Variants in EPHX2 observed in about 807,000 individuals in gnomAD.
EPHX2 encodes the protein epoxide hydrolase 2, also known as bifunctional epoxide hydrolase 2.
EPHX2 carries 74 observed loss-of-function variants against 78.7 expected under a neutral mutation model. The ratio of observed to expected loss-of-function variants is 0.94; its 90% CI spans 0.78 to 1.14. EPHX2 has a LOEUF of 1.14. Ranked by LOEUF, EPHX2 falls within the 50% of genes most tolerant of loss-of-function variation. The pLI is 0.00. For missense variants in EPHX2, 715 were observed against 702.5 expected, an observed-to-expected ratio of 1.02 and a Z score of -0.20; for synonymous variants, 251 against 255.2, an observed-to-expected ratio of 0.98 and a Z score of 0.16.
At chr8:27,540,737 G>T in intron 15 of EPHX2, 81 bp downstream of exon 15, 1 of 1,355,328 alleles carries the variant, frequency 7.4e-7, no homozygotes, top group Non-Finnish European at 1.1e-6. Context: ...GGAGGGTGAG[G>T]CCCAGTTCTC....
downstream of EPHX2, among the ~76,000 whole-genome samples, chr8:27,547,531 C>T (rs191852469): frequency 6.0e-4 from 91 of 152,316 alleles, no homozygotes; most frequent in Non-Finnish European, 9.6e-4. Flanking sequence ...TTACACATGT[C>T]ATCTCAAACA....
chr8:27,532,912 A>G (rs1815094836), intron 12 of EPHX2, among the ~76,000 whole-genome samples: 1 of 152,178 alleles, frequency 6.6e-6, no homozygotes, highest in Admixed American at 6.5e-5. Context: ...CAGGACTTTG[A>G]GACCAGCCTG....
intron 5 of EPHX2, among the ~76,000 whole-genome samples, chr8:27,508,555 C>T (rs1419510645): frequency 6.6e-6 from 1 of 152,198 alleles, no homozygotes. Context: ...TGTGCTTGTG[C>T]CCCTGGCTAG....
At chr8:27,532,243 G>C (rs1029939292) in intron 12 of EPHX2, among the ~76,000 whole-genome samples, 1 of 151,992 alleles carries the variant, frequency 6.6e-6, no homozygotes, top group Non-Finnish European at 1.5e-5. Flanking sequence ...ATACCCCCTG[G>C]AGACATGCTT....
chr8:27,546,270 G>A (rs189023569), downstream of EPHX2, among the ~76,000 whole-genome samples: 32 of 152,258 alleles, frequency 2.1e-4, no homozygotes, highest in Non-Finnish European at 7.4e-5. Context: ...ATAAAAAAGG[G>A]GACGTTAGTA....
At chr8:27,509,738 CTT>C (rs377205379) in intron 5 of EPHX2, among the ~76,000 whole-genome samples, 28 of 152,270 alleles carry the variant, frequency 1.8e-4, no homozygotes, top group African/African-American at 6.7e-4. Context: ...CAGTTATACC[CTT>C]TTATATCCCC....
intron 11 of EPHX2, among the ~76,000 whole-genome samples, chr8:27,524,819 G>A (rs1319502755): frequency 6.6e-6 from 1 of 152,200 alleles, no homozygotes; most frequent in East Asian, 1.9e-4. Flanking sequence ...TCATATCATA[G>A]TCATCTCATA....
intron 15 of EPHX2, 119 bp downstream of exon 15, chr8:27,540,775 G>A: frequency 1.1e-6 from 1 of 875,454 alleles, no homozygotes; most frequent in South Asian, 1.5e-5. Flanking sequence ...TTAGTGCCAG[G>A]CCAGCCTCTG....
downstream of EPHX2, among the ~76,000 whole-genome samples, chr8:27,548,540 G>A (rs905664261): frequency 1.7e-4 from 26 of 152,160 alleles, no homozygotes; most frequent in Non-Finnish European, 2.8e-4. Flanking sequence ...TAAGTAATTC[G>A]TCCTGAAACC....
Position 27,514,222 on chromosome 8 carries a change from G to T in EPHX2, c.736-1496G>T, listed in dbSNP as rs138163657. Among the ~76,000 whole-genome samples the T allele has an allele frequency of 8.5e-5, 13 of 152,148 alleles. No homozygotes were observed. The East Asian group carries it at 2.3e-3, about 27-fold the overall frequency. On this transcript the variant is annotated intron_variant, in intron 6 of 18. Coordinates refer to ENST00000521400, the MANE Select transcript of EPHX2 (RefSeq NM_001979.6). The stretch of plus-strand genomic sequence containing the variant: ...CTTGGGAGACTGAGGTGGGAGGATC[G>T]CTAGAGCCCAGGAGTTTGAGGCTGC...
At chr8:27,536,436 CT>C (rs1815214268) in intron 12 of EPHX2, among the ~76,000 whole-genome samples, 1 of 152,054 alleles carries the variant, frequency 6.6e-6, no homozygotes, top group Admixed American at 6.5e-5. Context: ...CCCCTCTCTT[CT>C]TACCACCAGT....
Position 27,544,510 on chromosome 8 carries a change from C to A in EPHX2, c.1656C>A (p.Val552=). 6.2e-7 allele frequency: 1 copy of A among 1,613,882 alleles called. No homozygotes were observed. The highest frequency in any genetic ancestry group is 1.7e-5 in the Admixed American group (1 of 60,026). The change falls in exon 19 of 19, where the codon GTC becomes GTA. Residue 552 remains valine (V), a synonymous_variant. Coordinates refer to ENST00000521400, the MANE Select transcript of EPHX2 (RefSeq NM_001979.6). ...CTGATGCCCGGAACCCACCGGTGGT[C>A]TCAAAGATGTAGAACGCAGCGTGTG... ...LDSDARNPPV[V]SKM
chr8:27,520,733 G>T, intron 9 of EPHX2, 150 bp from the exon 10 acceptor site: 1 of 885,616 alleles, frequency 1.1e-6, no homozygotes, highest in Non-Finnish European at 1.9e-6. Flanking sequence ...CTCCTTAAAG[G>T]CTGTATCTTC....
chr8:27,492,831 C>T (rs1479066940), intron 1 of EPHX2: 1 of 153,102 alleles, frequency 6.5e-6, no homozygotes, highest in Non-Finnish European at 1.5e-5. Context: ...AGGAAAGTTC[C>T]CCAAGTCCCC....
At chr8:27,540,770 G>A (rs973310135) in intron 15 of EPHX2, 114 bp downstream of exon 15, 91 of 917,234 alleles carry the variant, frequency 9.9e-5, no homozygotes, top group Non-Finnish European at 1.5e-4. Context: ...CCTCGTTAGT[G>A]CCAGGCCAGC....
At chr8:27,497,444 A>G (rs887276452) in intron 1 of EPHX2, among the ~76,000 whole-genome samples, 4 of 152,116 alleles carry the variant, frequency 2.6e-5, no homozygotes, top group Admixed American at 6.5e-5. Flanking sequence ...TCTCTGAACC[A>G]CCAAGGTTTG....
chr8:27,535,550 T>C (rs1383070343), intron 12 of EPHX2, among the ~76,000 whole-genome samples: 1 of 152,154 alleles, frequency 6.6e-6, no homozygotes, highest in African/African-American at 2.4e-5. Context: ...CTAAACTACG[T>C]CTGGAACAGC....
chr8:27,529,773 T>C (rs1814969083), intron 12 of EPHX2, among the ~76,000 whole-genome samples: 1 of 151,104 alleles, frequency 6.6e-6, no homozygotes, highest in African/African-American at 2.4e-5. Context: ...GAGCTGGGTG[T>C]GGTGGTGCAT....
At chr8:27,516,243 G>C in intron 7 of EPHX2, 77 bp from the exon 8 acceptor site, 1 of 1,360,664 alleles carries the variant, frequency 7.3e-7, no homozygotes, top group South Asian at 1.2e-5. Flanking sequence ...AGGAAGAAGG[G>C]GATGGAGGGA....
Sources: allele counts gnomAD v4.1 joint callset (sites outside exome capture counted in the v4.1 genomes callset), GRCh38; gene constraint gnomAD v4.1.1; transcripts MANE v1.5; gene names NCBI Gene and HGNC (gene_info 2026-07-23, HGNC 2026-07-21).